The following LRRTM3 variants were observed in gnomAD, a reference collection of about 807,000 sequenced individuals.
LRRTM3 encodes leucine-rich repeat transmembrane neuronal protein 3.
Under a neutral mutation model 44.7 loss-of-function variants are expected in LRRTM3, and 24 were observed. The ratio of observed to expected loss-of-function variants is 0.54; its 90% CI spans 0.39 to 0.76. The LOEUF (loss-of-function observed/expected upper bound fraction) is 0.76. Ranked by LOEUF, LRRTM3 falls within the 30% of genes least tolerant of loss-of-function variation. The pLI is 0.00. For synonymous variants in LRRTM3, 277 were observed against 278.7 expected, an observed-to-expected ratio of 0.99 and a Z score of 0.06; for missense variants, 587 against 702.2, an observed-to-expected ratio of 0.84 and a Z score of 1.85.
At chr10:66,978,552 A>AAATAT in intron 2 of LRRTM3, among the ~76,000 whole-genome samples, 8 of 37,880 alleles carry the variant, frequency 2.1e-4, no homozygotes, top group South Asian at 1.2e-3. Context: ...AAAAAAAAAA[A>AAATAT]ATATATATAT....
At chr10:67,046,192 T>A (rs926830248) in intron 2 of LRRTM3, among the ~76,000 whole-genome samples, 1 of 152,204 alleles carries the variant, frequency 6.6e-6, no homozygotes, top group Admixed American at 6.5e-5. Context: ...TATAACATAG[T>A]TAATGGGGTT....
At chr10:66,957,369 A>T (rs1848845614) in intron 2 of LRRTM3, among the ~76,000 whole-genome samples, 2 of 141,392 alleles carry the variant, frequency 1.4e-5, no homozygotes, top group African/African-American at 2.5e-5. Flanking sequence ...AAATATATCC[A>T]GAATATGTGT....
intron 2 of LRRTM3, 97 bp from the exon 3 acceptor site, chr10:67,097,490 A>T: frequency 9.7e-7 from 1 of 1,030,988 alleles, no homozygotes; most frequent in Non-Finnish European, 1.5e-6. Context: ...AGATATAACC[A>T]TGGAGGTTAG....
At position 66,926,476 on chromosome 10, in the gene LRRTM3, G is replaced by A; in HGVS notation, c.-108G>A. 7.8e-7 allele frequency: 1 copy of A among 1,287,224 alleles called. No homozygotes were observed. The highest frequency in any genetic ancestry group is 1.1e-6 in the Non-Finnish European group (1 of 906,592). 79.7% of individuals were successfully genotyped at this position (1,287,224 alleles called of 1,614,324 possible). ...CAAGGGGTCCAATTTTTCTTCCTGGGTGTCAGCGAGCCCTGACTCACTACA... is the reference window on the plus strand; with the variant it reads ...CAAGGGGTCCAATTTTTCTTCCTGGATGTCAGCGAGCCCTGACTCACTACA... On this transcript the variant is annotated 5_prime_UTR_variant, in exon 1 of 3. In the 5' UTR this introduces an upstream ATG that the reference lacks. Coordinates refer to ENST00000361320, the MANE Select transcript of LRRTM3 (RefSeq NM_178011.5).
chr10:67,039,384 G>GA (rs1275735320), intron 2 of LRRTM3, among the ~76,000 whole-genome samples: 2 of 152,078 alleles, frequency 1.3e-5, no homozygotes, highest in African/African-American at 2.4e-5. Flanking sequence ...CTGTGCAGCA[G>GA]AAAAAGCCTA....
chr10:67,033,782 T>G (rs1047940462), intron 2 of LRRTM3, among the ~76,000 whole-genome samples: 7 of 151,746 alleles, frequency 4.6e-5, no homozygotes, highest in African/African-American at 1.7e-4. Flanking sequence ...TTTCTTTTTG[T>G]TTTTTTTGGA....
chr10:67,097,627 A>ACCAGCC lies in LRRTM3; in HGVS notation c.1579_1584dup (p.Gln527_Pro528dup), dbSNP rs1310441292. 3 of 1,612,416 alleles carry ACCAGCC rather than the reference A, an allele frequency of 1.9e-6. No individual in the cohort carries two copies. The Admixed American group carries it at 5.0e-5, about 27-fold the overall frequency. The stretch of plus-strand genomic sequence containing the variant: ...AATGTGTCAACCTTTCTGGCATACG[A>ACCAGCC]CCAGCCCACAATAAGTTACTGTGGG... On this transcript the variant is annotated inframe_insertion, in exon 3 of 3. Coordinates refer to ENST00000361320, the MANE Select transcript of LRRTM3 (RefSeq NM_178011.5).
rs10740267 is a variant in LRRTM3 at position 67,091,367 on chromosome 10, T to G, written c.1537-6220T>G. Reference sequence around the variant, plus strand: ...AAACATACATGCATAAATATATACATGTATATATTTAAGGAATATATGTAA... The same window carrying G: ...AAACATACATGCATAAATATATACAGGTATATATTTAAGGAATATATGTAA... On this transcript the variant is annotated intron_variant, in intron 2 of 2. Coordinates refer to ENST00000361320, the MANE Select transcript of LRRTM3 (RefSeq NM_178011.5). Among the ~76,000 whole-genome samples the G allele has an allele frequency of 5.3e-5, 8 of 151,738 alleles. No individual in the cohort carries two copies. The South Asian group carries it at 1.7e-3, about 32-fold the overall frequency.
intron 2 of LRRTM3, among the ~76,000 whole-genome samples, chr10:66,947,437 G>T (rs1385477388): frequency 6.6e-6 from 1 of 152,114 alleles, no homozygotes; most frequent in African/African-American, 2.4e-5. Context: ...TGGGGAAAGG[G>T]GAATGGTTCT....
At position 66,966,342 on chromosome 10, in the gene LRRTM3, A is replaced by G. The variant is rs140432735; in HGVS notation, c.1536+37890A>G. On this transcript the variant is annotated intron_variant, in intron 2 of 2. Coordinates refer to ENST00000361320, the MANE Select transcript of LRRTM3 (RefSeq NM_178011.5). Reference sequence around the variant, plus strand: ...TTTTGATGTACAGAATTTTAGCATCATCTAACTAATCCTAAAAGACTTTGT... The same window carrying G: ...TTTTGATGTACAGAATTTTAGCATCGTCTAACTAATCCTAAAAGACTTTGT... Among the ~76,000 whole-genome samples the G allele has an allele frequency of 1.7e-3, 258 of 152,252 alleles. 1 individual carries two copies. Among genetic ancestry groups the G allele is most frequent in the Non-Finnish European group, 3.0e-3 (201 of 68,008 alleles).
chr10:67,022,473 A>G (rs2133077930), intron 2 of LRRTM3, among the ~76,000 whole-genome samples: 1 of 152,282 alleles, frequency 6.6e-6, no homozygotes, highest in African/African-American at 2.4e-5. Context: ...AGTAGTTTTC[A>G]CAGACTAATA....
At chr10:66,996,505 G>T (rs372789305) in intron 2 of LRRTM3, among the ~76,000 whole-genome samples, 1 of 151,866 alleles carries the variant, frequency 6.6e-6, no homozygotes, top group Non-Finnish European at 1.5e-5. Context: ...GAAACTAGCC[G>T]GGCGTGGTGG....
intron 2 of LRRTM3, among the ~76,000 whole-genome samples, chr10:67,041,880 T>C (rs2133148724): frequency 6.6e-6 from 1 of 152,220 alleles, no homozygotes; most frequent in Non-Finnish European, 1.5e-5. Context: ...TGATTCATTC[T>C]CCCCCTGTGG....
chr10:66,946,473 G>T (rs1159042461), intron 2 of LRRTM3, among the ~76,000 whole-genome samples: 2 of 152,092 alleles, frequency 1.3e-5, no homozygotes, highest in Non-Finnish European at 2.9e-5. Flanking sequence ...GCACACACAA[G>T]TTCTCTGCAC....
At chr10:66,955,927 T>C (rs1848766749) in intron 2 of LRRTM3, among the ~76,000 whole-genome samples, 1 of 152,096 alleles carries the variant, frequency 6.6e-6, no homozygotes, top group African/African-American at 2.4e-5. Context: ...CATTTGGAAA[T>C]TTGCTTAGGC....
At chr10:66,987,472 C>T (rs1366153433) in intron 2 of LRRTM3, among the ~76,000 whole-genome samples, 3 of 152,086 alleles carry the variant, frequency 2.0e-5, no homozygotes, top group South Asian at 2.1e-4. Context: ...CTTAGCAATC[C>T]GAGATGCCCA....
At chr10:66,939,421 T>C (rs990817635) in intron 2 of LRRTM3, among the ~76,000 whole-genome samples, 1 of 152,198 alleles carries the variant, frequency 6.6e-6, no homozygotes, top group Non-Finnish European at 1.5e-5. Flanking sequence ...AAAATACTAA[T>C]AGTTTTATCT....
chr10:67,039,130 C>T (rs2133138480), intron 2 of LRRTM3, among the ~76,000 whole-genome samples: 1 of 152,148 alleles, frequency 6.6e-6, no homozygotes, highest in South Asian at 2.1e-4. Flanking sequence ...ATGCCTCACA[C>T]TGAGATTACT....
rs571918735 is a variant in LRRTM3 at position 67,099,909 on chromosome 10, G to A, written c.*2113G>A. On this transcript the variant is annotated 3_prime_UTR_variant, in exon 3 of 3. Coordinates refer to ENST00000361320, the MANE Select transcript of LRRTM3 (RefSeq NM_178011.5). Reference sequence around the variant, plus strand: ...TTACGTCGTTAGCAAATTTATAAAGGGTTATAAAGCTATGATTCGTGAGTC... The same window carrying A: ...TTACGTCGTTAGCAAATTTATAAAGAGTTATAAAGCTATGATTCGTGAGTC... 1 of 151,450 alleles carries A rather than the reference G, an allele frequency of 6.6e-6. No homozygotes were observed. Among genetic ancestry groups the A allele is most frequent in the South Asian group, 2.1e-4 (1 of 4,804 alleles). The allele number at this position is 151,450 out of a possible 1,614,324, so 9.4% of individuals were successfully genotyped here.
Sources: gnomAD v4.1 joint callset for allele counts (sites outside exome capture counted in the v4.1 genomes callset) on GRCh38, gnomAD v4.1.1 for gene constraint, MANE v1.5 for transcripts, NCBI Gene and HGNC (gene_info 2026-07-23, HGNC 2026-07-21) for gene names.